Variants in ANKIB1 observed in about 807,000 individuals in gnomAD.
The protein encoded by ANKIB1 is ankyrin repeat and IBR domain-containing protein 1.
A neutral mutation model predicts 122.1 loss-of-function variants in ANKIB1; 43 were observed. The observed-to-expected ratio is 0.35, with a 90% confidence interval of 0.28 to 0.45. ANKIB1 has a LOEUF of 0.45. Among genes scored for constraint, ANKIB1 ranks in the 20% least tolerant of loss-of-function variants. The pLI is 1.00. For missense variants in ANKIB1, 992 were observed against 1,329.5 expected (o/e 0.75, Z 3.95); for synonymous variants, 390 against 442.0 (o/e 0.88, Z 1.48).
intron 3 of ANKIB1, among the ~76,000 whole-genome samples, chr7:92,310,249 A>C (rs572530448): frequency 2.2e-4 from 33 of 152,120 alleles, no homozygotes; most frequent in African/African-American, 6.7e-4. Context: ...CACATAAGTC[A>C]CATCATTTGA....
intron 2 of ANKIB1, among the ~76,000 whole-genome samples, chr7:92,297,120 A>G (rs1802372010): frequency 6.6e-6 from 1 of 152,172 alleles, no homozygotes. Flanking sequence ...CATTATCTGA[A>G]TCCTCATTAC....
chr7:92,247,221 G>C (rs1801135955), intron 1 of ANKIB1, among the ~76,000 whole-genome samples: 1 of 152,208 alleles, frequency 6.6e-6, no homozygotes. Flanking sequence ...TGGTAGATCT[G>C]ACAGATAAAT....
At chr7:92,396,109 G>C (rs1348378836) in intron 17 of ANKIB1, 6 of 462,978 alleles carry the variant, frequency 1.3e-5, no homozygotes, top group Non-Finnish European at 2.3e-5. Context: ...AAATAGGGCT[G>C]TTCTAATGTA....
chr7:92,384,213 C>A (rs1368258845), intron 11 of ANKIB1, among the ~76,000 whole-genome samples: 1 of 152,088 alleles, frequency 6.6e-6, no homozygotes, highest in East Asian at 1.9e-4. Flanking sequence ...GAGCTACAAA[C>A]CACTGTTCAA....
chr7:92,358,766 T>C (rs201706490), intron 9 of ANKIB1, among the ~76,000 whole-genome samples: 3 of 124,910 alleles, frequency 2.4e-5, no homozygotes, highest in African/African-American at 8.2e-5. Context: ...TGATTGCATT[T>C]GTTTGTTTTA....
At chr7:92,397,955 C>G in intron 19 of ANKIB1, 96 bp downstream of exon 19, 1 of 1,453,064 alleles carries the variant, frequency 6.9e-7, no homozygotes, top group Non-Finnish European at 9.2e-7. Context: ...CTATTTCTTC[C>G]TTCCATTCTA....
chr7:92,325,666 T>C (rs553679193), intron 4 of ANKIB1, among the ~76,000 whole-genome samples: 1 of 152,200 alleles, frequency 6.6e-6, no homozygotes, highest in Non-Finnish European at 1.5e-5. Flanking sequence ...AAACATGTTT[T>C]ACCAATAGGG....
At chr7:92,330,053 C>T (rs1803136032) in intron 5 of ANKIB1, among the ~76,000 whole-genome samples, 1 of 152,192 alleles carries the variant, frequency 6.6e-6, no homozygotes, top group Non-Finnish European at 1.5e-5. Flanking sequence ...TTTACCTAGA[C>T]TGTCAGTCTT....
At chr7:92,388,716 T>G (rs1036350542) in intron 14 of ANKIB1, among the ~76,000 whole-genome samples, 3 of 152,170 alleles carry the variant, frequency 2.0e-5, no homozygotes, top group Non-Finnish European at 2.9e-5. Flanking sequence ...AAAGTACATT[T>G]TAAGGTGAAA....
At chr7:92,311,184 A>T (rs1193611345) in intron 3 of ANKIB1, among the ~76,000 whole-genome samples, 2 of 152,176 alleles carry the variant, frequency 1.3e-5, no homozygotes, top group Non-Finnish European at 2.9e-5. Flanking sequence ...CATGATATAA[A>T]GGTTTGGGTT....
chr7:92,388,092 C>T, intron 14 of ANKIB1, 51 bp downstream of exon 14: 6 of 1,470,640 alleles, frequency 4.1e-6, no homozygotes, highest in South Asian at 1.2e-5. Context: ...TCTTTCCATG[C>T]TTGTCATTTC....
At chr7:92,279,178 CAG>C (rs1244761783) in intron 1 of ANKIB1, among the ~76,000 whole-genome samples, 6 of 152,158 alleles carry the variant, frequency 3.9e-5, no homozygotes, top group African/African-American at 4.8e-5. Flanking sequence ...AGGCAGAACT[CAG>C]GGGGTAATGT....
intron 1 of ANKIB1, among the ~76,000 whole-genome samples, chr7:92,287,404 T>C (rs1802152858): frequency 1.3e-5 from 2 of 152,232 alleles, no homozygotes; most frequent in Admixed American, 1.3e-4. Context: ...GTAGAACATC[T>C]CTCAACTTGA....
intron 1 of ANKIB1, among the ~76,000 whole-genome samples, chr7:92,260,978 T>C (rs1011793926): frequency 6.6e-6 from 1 of 152,210 alleles, no homozygotes; most frequent in Non-Finnish European, 1.5e-5. Context: ...CTACCAGTTA[T>C]TGACTTCCAA....
At position 92,246,117 on chromosome 7, in the gene ANKIB1, GGAGGGGAAGA is replaced by G. The variant is rs1800958967; in HGVS notation, c.-491_-482del. On this transcript the variant is annotated 5_prime_UTR_variant, in exon 1 of 20. Transcript: ENST00000265742. ...AGCCGGAGCCGGAGCCGGAGGCGGGGGAGGGGAAGAGGGCGGCCGGGGCTGCGAGCGCGCA... is the reference window on the plus strand; with the variant it reads ...AGCCGGAGCCGGAGCCGGAGGCGGGGGGGCGGCCGGGGCTGCGAGCGCGCA... The G allele has an allele frequency of 3.5e-6, 1 of 286,240 alleles. No homozygotes were observed. The highest frequency in any genetic ancestry group is 2.4e-5 in the African/African-American group (1 of 42,130). 17.7% of individuals were successfully genotyped at this position (286,240 alleles called of 1,614,324 possible).
At chr7:92,342,229 C>G (rs1027109376) in intron 5 of ANKIB1, among the ~76,000 whole-genome samples, 3 of 152,142 alleles carry the variant, frequency 2.0e-5, no homozygotes, top group Non-Finnish European at 2.9e-5. Flanking sequence ...TCTGTGTGAG[C>G]TTGGACAAGT....
At chr7:92,267,348 T>C (rs1371533661) in intron 1 of ANKIB1, among the ~76,000 whole-genome samples, 1 of 152,116 alleles carries the variant, frequency 6.6e-6, no homozygotes, top group Non-Finnish European at 1.5e-5. Context: ...TAGAGAAATA[T>C]AACTAGTACC....
chr7:92,324,089 T>C (rs1802972136), intron 4 of ANKIB1, among the ~76,000 whole-genome samples: 1 of 152,234 alleles, frequency 6.6e-6, no homozygotes, highest in Admixed American at 6.5e-5. Context: ...GACTGCTTAA[T>C]GTTTATAGGA....
chr7:92,267,288 A>C lies in ANKIB1; in HGVS notation c.-91+20769A>C, dbSNP rs1208884390. ...TACAAATCAAGAATACAGCTCAATAAATATTCACAAAGTGAACACAACTAT... is the reference window on the plus strand; with the variant it reads ...TACAAATCAAGAATACAGCTCAATACATATTCACAAAGTGAACACAACTAT... On this transcript the variant is annotated intron_variant, in intron 1 of 19. Coordinates refer to ENST00000265742, the MANE Select transcript of ANKIB1 (RefSeq NM_019004.2). 2.0e-5 allele frequency among the ~76,000 whole-genome samples: 3 copies of C among 152,236 alleles called. No individual in the cohort carries two copies. The East Asian group carries it at 5.8e-4, about 29-fold the overall frequency.
Sources: gnomAD v4.1 joint callset for allele counts (sites outside exome capture counted in the v4.1 genomes callset) on GRCh38, gnomAD v4.1.1 for gene constraint, MANE v1.5 for transcripts, NCBI Gene and HGNC (gene_info 2026-07-23, HGNC 2026-07-21) for gene names.